EPHA5: variants seen among roughly 807,000 people sequenced by gnomAD.
The protein encoded by EPHA5 is ephrin type-A receptor 5.
EPHA5 carries 60 observed loss-of-function variants against 105.0 expected under a neutral mutation model. The observed-to-expected ratio is 0.57, with a 90% confidence interval of 0.46 to 0.71. EPHA5 has a LOEUF of 0.71. Among genes scored for constraint, EPHA5 ranks in the 30% least tolerant of loss-of-function variants. The pLI is 0.00. For synonymous variants in EPHA5, 513 were observed against 449.1 expected (o/e 1.14, Z -1.80); for missense variants, 1,218 against 1,274.7 (o/e 0.96, Z 0.68).
intron 8 of EPHA5, among the ~76,000 whole-genome samples, chr4:65,388,865 T>C (rs1456362839): frequency 6.6e-6 from 1 of 151,892 alleles, no homozygotes; most frequent in Admixed American, 6.6e-5. Flanking sequence ...TTGCTTTTGG[T>C]GTTTTAGGCA....
At chr4:65,399,821 TA>T (rs35973482) in intron 8 of EPHA5, among the ~76,000 whole-genome samples, 3,999 of 152,272 alleles carry the variant, frequency 0.026, 66 homozygotes, top group African/African-American at 0.037. Flanking sequence ...AACATAGTAT[TA>T]AAAAATATTC....
intron 2 of EPHA5, among the ~76,000 whole-genome samples, chr4:65,626,427 GGT>G (rs1481644116): frequency 1.3e-5 from 2 of 152,026 alleles, no homozygotes; most frequent in African/African-American, 4.8e-5. Context: ...CAAATAATTA[GGT>G]GTTACTAATT....
At chr4:65,476,181 C>A (rs766179760) in intron 5 of EPHA5, among the ~76,000 whole-genome samples, 2 of 148,828 alleles carry the variant, frequency 1.3e-5, no homozygotes, top group Non-Finnish European at 3.0e-5. Context: ...GATTATTGGC[C>A]CCTACATTGT....
At position 65,425,630 on chromosome 4, in the gene EPHA5, A is replaced by G. The variant is rs1347042318; in HGVS notation, c.1403-5065T>C. Among the ~76,000 whole-genome samples the G allele has an allele frequency of 3.3e-5, 5 of 151,786 alleles. No individual in the cohort carries two copies. The East Asian group carries it at 5.8e-4, about 18-fold the overall frequency. On this transcript the variant is annotated intron_variant, in intron 5 of 16. Transcript: ENST00000613740. The stretch of plus-strand genomic sequence containing the variant: ...AAATATTATTATTACTATTTTAAAA[A>G]TAATAATTATTATTAATGCTTCTTT...
intron 1 of EPHA5, among the ~76,000 whole-genome samples, chr4:65,666,451 G>A (rs759036693): frequency 5.3e-5 from 8 of 152,148 alleles, no homozygotes; most frequent in Non-Finnish European, 1.2e-4. Flanking sequence ...GCAAAAAGTG[G>A]CAGCTACTGA....
chr4:65,348,001 C>T (rs564328424), intron 14 of EPHA5, 53 bp downstream of exon 14: 4 of 1,478,034 alleles, frequency 2.7e-6, no homozygotes, highest in Non-Finnish European at 3.6e-6. Flanking sequence ...TGTCTTGACT[C>T]AGAGAACAAA....
chr4:65,627,972 A>G (rs1258053143), intron 2 of EPHA5, among the ~76,000 whole-genome samples: 1 of 152,158 alleles, frequency 6.6e-6, no homozygotes, highest in Non-Finnish European at 1.5e-5. Flanking sequence ...GAGTAAACTG[A>G]GCTAAAGTTT....
At chr4:65,535,580 A>C (rs1736212964) in intron 3 of EPHA5, among the ~76,000 whole-genome samples, 1 of 152,260 alleles carries the variant, frequency 6.6e-6, no homozygotes, top group South Asian at 2.1e-4. Context: ...TATTACACTT[A>C]GTTATTATAT....
At chr4:65,497,389 C>T (rs1378917743) in intron 3 of EPHA5, among the ~76,000 whole-genome samples, 1 of 151,986 alleles carries the variant, frequency 6.6e-6, no homozygotes, top group Admixed American at 6.6e-5. Flanking sequence ...AGCCTTAATG[C>T]TCTTATAAAT....
intron 14 of EPHA5, among the ~76,000 whole-genome samples, chr4:65,346,519 G>T (rs957546708): frequency 1.3e-5 from 2 of 151,836 alleles, no homozygotes; most frequent in African/African-American, 4.8e-5. Flanking sequence ...TATATACATG[G>T]TGTGAAGTTG....
At chr4:65,580,918 A>C (rs1057017634) in intron 3 of EPHA5, among the ~76,000 whole-genome samples, 2 of 151,804 alleles carry the variant, frequency 1.3e-5, no homozygotes, top group African/African-American at 4.8e-5. Context: ...AATTTTGTTG[A>C]TATCCCAAGT....
intron 3 of EPHA5, among the ~76,000 whole-genome samples, chr4:65,575,066 T>C (rs1311421544): frequency 6.6e-6 from 1 of 151,570 alleles, no homozygotes; most frequent in Non-Finnish European, 1.5e-5. Flanking sequence ...CTGCTAGGTA[T>C]GAACAAGAAT....
chr4:65,395,740 C>T (rs1721165027), intron 8 of EPHA5, among the ~76,000 whole-genome samples: 1 of 152,204 alleles, frequency 6.6e-6, no homozygotes, highest in Admixed American at 6.5e-5. Context: ...AAAGAGAAGA[C>T]TGGTTGGCCA....
At chr4:65,355,995 G>A (rs1484795809) in intron 11 of EPHA5, among the ~76,000 whole-genome samples, 2 of 151,576 alleles carry the variant, frequency 1.3e-5, no homozygotes, top group African/African-American at 4.8e-5. Context: ...AATCTATTGA[G>A]AGGGTTGTCA....
intron 8 of EPHA5, among the ~76,000 whole-genome samples, chr4:65,400,955 C>A (rs1357074295): frequency 1.3e-5 from 2 of 151,478 alleles, no homozygotes; most frequent in East Asian, 1.9e-4. Context: ...TACCTAGGAG[C>A]AAATATCTGG....
At chr4:65,563,415 C>T (rs553160411) in intron 3 of EPHA5, among the ~76,000 whole-genome samples, 1 of 152,134 alleles carries the variant, frequency 6.6e-6, no homozygotes, top group South Asian at 2.1e-4. Flanking sequence ...AATCACAGCA[C>T]ACAAGTAGCT....
chr4:65,647,123 T>A (rs945342657), intron 1 of EPHA5, among the ~76,000 whole-genome samples: 16 of 151,926 alleles, frequency 1.1e-4, no homozygotes, highest in Admixed American at 2.0e-4. Context: ...GGTTAGGAGA[T>A]TGAGACCATC....
At position 65,398,130 on chromosome 4, in the gene EPHA5, G is replaced by A. The variant is rs377001570; in HGVS notation, c.1793+6244C>T. Reference sequence around the variant, plus strand: ...ACCAAGCATTCTTGTGCTCTCAGGGGCCTGAGAAGCCCCCTGCCCCTGTAG... The same window carrying A: ...ACCAAGCATTCTTGTGCTCTCAGGGACCTGAGAAGCCCCCTGCCCCTGTAG... On this transcript the variant is annotated intron_variant, in intron 8 of 16. Transcript: ENST00000613740. Among the ~76,000 whole-genome samples the A allele has an allele frequency of 9.9e-5, 15 of 152,284 alleles. No homozygotes were observed. The East Asian group carries it at 1.9e-3, about 20-fold the overall frequency.
At chr4:65,489,731 A>G (rs1334715048) in intron 5 of EPHA5, among the ~76,000 whole-genome samples, 1 of 152,224 alleles carries the variant, frequency 6.6e-6, no homozygotes, top group Non-Finnish European at 1.5e-5. Flanking sequence ...TAGACAAATC[A>G]GTAGCTCAGA....
Sources: gnomAD v4.1 joint callset for allele counts (sites outside exome capture counted in the v4.1 genomes callset) on GRCh38, gnomAD v4.1.1 for gene constraint, MANE v1.5 for transcripts, NCBI Gene and HGNC (gene_info 2026-07-23, HGNC 2026-07-21) for gene names.